Variants in HORMAD2 observed in about 807,000 individuals in gnomAD.
HORMAD2 encodes the protein HORMA domain-containing protein 2.
In HORMAD2, 45 loss-of-function variants were observed where a neutral mutation model predicts 38.8. The observed-to-expected ratio is 1.16, with a 90% CI of 0.91 to 1.49. The LOEUF (loss-of-function observed/expected upper bound fraction) is 1.49. Ranked by LOEUF, HORMAD2 falls within the 40% of genes most tolerant of loss-of-function variation. HORMAD2 has a pLI of 0.00. For synonymous variants in HORMAD2, 126 were observed against 122.8 expected (o/e 1.03, Z -0.17); for missense variants, 338 against 367.0 (o/e 0.92, Z 0.65).
At chr22:30,207,036 G>A in the HORMAD2 span, 16 of 469,414 alleles carry the variant, frequency 3.4e-5, no homozygotes, top group Non-Finnish European at 7.1e-5. Context: ...CCCTCGTGTC[G>A]GCCTTGCTCA....
chr22:30,204,936 G>T, the HORMAD2 span, among the ~76,000 whole-genome samples: 1 of 152,192 alleles, frequency 6.6e-6, no homozygotes, highest in Non-Finnish European at 1.5e-5. Flanking sequence ...TGGAGCAGAC[G>T]CCGTGGGACT....
intron 10 of HORMAD2, among the ~76,000 whole-genome samples, chr22:30,172,712 AC>A (rs1310691824): frequency 2.0e-5 from 3 of 152,110 alleles, no homozygotes; most frequent in Admixed American, 6.5e-5. Context: ...ATATGGTAAA[AC>A]CCTGTCTCTA....
downstream of HORMAD2, among the ~76,000 whole-genome samples, chr22:30,177,715 CT>C (rs59806772): frequency 0.17 from 16,385 of 94,734 alleles, 1,029 homozygotes; most frequent in South Asian, 0.34. Context: ...TAAGGAGGAG[CT>C]TTTTTTTTTT....
At chr22:30,119,369 G>A (rs762077283) in intron 8 of HORMAD2, among the ~76,000 whole-genome samples, 13 of 152,152 alleles carry the variant, frequency 8.5e-5, no homozygotes, top group Non-Finnish European at 1.6e-4. Flanking sequence ...TGCCTAGATA[G>A]CGATCCTTTC....
the HORMAD2 span, among the ~76,000 whole-genome samples, chr22:30,206,404 T>A: frequency 9.2e-5 from 14 of 152,104 alleles, no homozygotes; most frequent in Non-Finnish European, 1.8e-4. Flanking sequence ...GTGATCCACC[T>A]GCCTCAGCCT....
At chr22:30,177,736 T>TC (rs397954443), downstream of HORMAD2, among the ~76,000 whole-genome samples, 1 of 137,764 alleles carries the variant, frequency 7.3e-6, no homozygotes, top group East Asian at 2.2e-4. Context: ...TTTTTTTTTT[T>TC]CAACATAATC....
intron 1 of HORMAD2, among the ~76,000 whole-genome samples, chr22:30,083,638 G>A (rs953321850): frequency 4.6e-5 from 7 of 151,718 alleles, no homozygotes; most frequent in South Asian, 4.2e-4. Flanking sequence ...TTTTTGAGAC[G>A]GAGTTTCACT....
intron 2 of HORMAD2, among the ~76,000 whole-genome samples, chr22:30,097,722 T>TCTAA (rs1387534745): frequency 6.6e-6 from 1 of 152,158 alleles, no homozygotes; most frequent in Admixed American, 6.5e-5. Flanking sequence ...GAAATCCCAC[T>TCTAA]CTAAGGTACT....
the HORMAD2 span, among the ~76,000 whole-genome samples, chr22:30,184,088 G>A: frequency 6.6e-6 from 1 of 152,204 alleles, no homozygotes; most frequent in African/African-American, 2.4e-5. Flanking sequence ...AAGGAATGCG[G>A]TTAAATCCTC....
At chr22:30,199,240 A>T in the HORMAD2 span, among the ~76,000 whole-genome samples, 1 of 152,220 alleles carries the variant, frequency 6.6e-6, no homozygotes, top group African/African-American at 2.4e-5. Flanking sequence ...TGATCAGTAG[A>T]TATGCACAAG....
intron 4 of HORMAD2, among the ~76,000 whole-genome samples, 181 bp downstream of exon 4, chr22:30,103,681 G>A (rs1401126029): frequency 1.1e-4 from 1 of 8,790 alleles, no homozygotes; most frequent in Non-Finnish European, 2.1e-4. Flanking sequence ...TTTTTTTTTT[G>A]AGATGGAGTC....
At chr22:30,088,216 CACATATAT>C (rs1569079705) in intron 1 of HORMAD2, among the ~76,000 whole-genome samples, 2 of 146,412 alleles carry the variant, frequency 1.4e-5, no homozygotes, top group Admixed American at 6.7e-5. Context: ...TACATATATA[CACATATAT>C]ACATATATAC....
At chr22:30,153,734 TC>T (rs138656057) in intron 10 of HORMAD2, among the ~76,000 whole-genome samples, 1,966 of 152,320 alleles carry the variant, frequency 0.013, 46 homozygotes, top group African/African-American at 0.046. Context: ...TTAGTCACTT[TC>T]TCAGTCTTTC....
chr22:30,199,471 A>G, the HORMAD2 span, among the ~76,000 whole-genome samples: 2,132 of 152,246 alleles, frequency 0.014, 37 homozygotes, highest in African/African-American at 0.048. Flanking sequence ...CTGTGTAAGC[A>G]CCTAAGTGCC....
chr22:30,176,266 C>T lies in HORMAD2; in HGVS notation c.*99C>T, dbSNP rs1196051657. 3 of 849,004 alleles carry T rather than the reference C, an allele frequency of 3.5e-6. No homozygotes were observed. Among genetic ancestry groups the T allele is most frequent in the East Asian group, 5.4e-5 (2 of 36,712 alleles). 52.6% of individuals were successfully genotyped at this position (849,004 alleles called of 1,614,324 possible). On this transcript the variant is annotated 3_prime_UTR_variant, in exon 11 of 11. Transcript: ENST00000336726. Reference sequence around the variant, plus strand: ...GGAAAGTACATTCCTGTTACCAAAACCTTTTTCTAAATTTTTTGCTCAATT... The same window carrying T: ...GGAAAGTACATTCCTGTTACCAAAATCTTTTTCTAAATTTTTTGCTCAATT...
At chr22:30,081,755 T>A (rs1283277631) in intron 1 of HORMAD2, among the ~76,000 whole-genome samples, 2 of 152,054 alleles carry the variant, frequency 1.3e-5, no homozygotes, top group South Asian at 2.1e-4. Context: ...TTTTTTATTT[T>A]TTTTTATTTT....
At chr22:30,159,699 G>A (rs1427626064) in intron 10 of HORMAD2, among the ~76,000 whole-genome samples, 1 of 152,176 alleles carries the variant, frequency 6.6e-6, no homozygotes, top group Non-Finnish European at 1.5e-5. Flanking sequence ...GTTGAGCAAC[G>A]CCTGGCAGCC....
the HORMAD2 span, among the ~76,000 whole-genome samples, chr22:30,185,293 G>T: frequency 6.6e-6 from 1 of 152,178 alleles, no homozygotes; most frequent in African/African-American, 2.4e-5. Flanking sequence ...GGTTACTGTC[G>T]AGCAAAAGCG....
At chr22:30,082,847 A>C (rs527517868) in intron 1 of HORMAD2, among the ~76,000 whole-genome samples, 6 of 152,064 alleles carry the variant, frequency 3.9e-5, no homozygotes, top group Non-Finnish European at 7.4e-5. Context: ...ACAACAACAA[A>C]AAAAATAGGG....
Sources: allele counts gnomAD v4.1 joint callset (sites outside exome capture counted in the v4.1 genomes callset), GRCh38; gene constraint gnomAD v4.1.1; transcripts MANE v1.5; gene names NCBI Gene and HGNC (gene_info 2026-07-23, HGNC 2026-07-21).